The following NALCN variants were observed in gnomAD, a reference collection of about 807,000 sequenced individuals.
NALCN encodes the protein sodium leak channel, non-selective.
NALCN carries 111 observed loss-of-function variants against 225.3 expected under a neutral mutation model. The observed-to-expected ratio is 0.49, with a 90% CI of 0.42 to 0.58. NALCN has a LOEUF of 0.58. Among genes scored for constraint, NALCN ranks in the 20% least tolerant of loss-of-function variants. NALCN has a pLI of 0.00. For synonymous variants in NALCN, 764 were observed against 769.0 expected (o/e 0.99, Z 0.11); for missense variants, 1,378 against 2,202.4 (o/e 0.63, Z 7.49).
chr13:101,351,416 A>G (rs2045905052), intron 6 of NALCN, among the ~76,000 whole-genome samples: 1 of 152,162 alleles, frequency 6.6e-6, no homozygotes, highest in African/African-American at 2.4e-5. Flanking sequence ...CATTCTATTT[A>G]CAAATAACAT....
At chr13:101,351,608 A>G (rs1027969767) in intron 6 of NALCN, among the ~76,000 whole-genome samples, 1 of 152,208 alleles carries the variant, frequency 6.6e-6, no homozygotes. Flanking sequence ...CAGTTCGGTG[A>G]TTAACCAACT....
chr13:101,173,414 C>T (rs1372176442), intron 15 of NALCN, among the ~76,000 whole-genome samples: 1 of 152,150 alleles, frequency 6.6e-6, no homozygotes. Context: ...TGCCTAGGTT[C>T]AAATTCTAGC....
rs771413707 is a variant in NALCN, at chr13:101,176,282, C to T, written c.1839+18G>A. 1.7e-5 allele frequency: 25 copies of T among 1,494,376 alleles called. No individual in the cohort carries two copies. Among genetic ancestry groups the T allele is most frequent in the Non-Finnish European group, 2.0e-5 (22 of 1,127,400 alleles). 92.6% of individuals were successfully genotyped at this position (1,494,376 alleles called of 1,614,324 possible). On this transcript the variant is annotated intron_variant, in intron 15 of 43. Coordinates refer to ENST00000251127, the MANE Select transcript of NALCN (RefSeq NM_052867.4). ...GTTTTTTGTCCTTTTTAAAAAAAATCCCCCACACACTACTTACTTGTTTAA... is the reference window on the plus strand; with the variant it reads ...GTTTTTTGTCCTTTTTAAAAAAAATTCCCCACACACTACTTACTTGTTTAA...
chr13:101,289,774 G>C (rs1033489331), intron 9 of NALCN, among the ~76,000 whole-genome samples: 1 of 152,144 alleles, frequency 6.6e-6, no homozygotes, highest in Non-Finnish European at 1.5e-5. Context: ...TTAGTAACTT[G>C]TGATCTAGTG....
chr13:101,175,259 G>GC (rs1555305374), intron 15 of NALCN, among the ~76,000 whole-genome samples: 4 of 144,606 alleles, frequency 2.8e-5, no homozygotes. Flanking sequence ...TGTTTGTTCT[G>GC]TTTTTTTTTT....
chr13:101,397,772 G>A, intron 2 of NALCN, among the ~76,000 whole-genome samples: 1 of 152,036 alleles, frequency 6.6e-6, no homozygotes, highest in African/African-American at 2.4e-5. Flanking sequence ...TAAAAATACA[G>A]TTATTTATAG....
At position 101,107,623 on chromosome 13, in the gene NALCN, T is replaced by C. The variant is rs1262503936; in HGVS notation, c.2457-14A>G. The C allele has an allele frequency of 6.2e-7, 1 of 1,614,092 alleles. No individual in the cohort carries two copies. Among genetic ancestry groups the C allele is most frequent in the Non-Finnish European group, 8.5e-7 (1 of 1,179,960 alleles). ...TCTTGCACTTTCCTTGAAGGAGAAATTCATGGGAGAATGAGGCTAAGGGAA... is the reference window on the plus strand; with the variant it reads ...TCTTGCACTTTCCTTGAAGGAGAAACTCATGGGAGAATGAGGCTAAGGGAA... On this transcript the variant is annotated splice_polypyrimidine_tract_variant and intron_variant, in intron 21 of 43. Transcript: ENST00000251127.
intron 11 of NALCN, among the ~76,000 whole-genome samples, chr13:101,256,765 CTT>C (rs59036479): frequency 5.2e-5 from 7 of 133,502 alleles, no homozygotes; most frequent in Admixed American, 1.6e-4. Context: ...CTTCTTTCTG[CTT>C]TTTTTTTTTT....
chr13:101,117,814 G>T (rs1021946139), intron 18 of NALCN, among the ~76,000 whole-genome samples: 1 of 152,182 alleles, frequency 6.6e-6, no homozygotes, highest in African/African-American at 2.4e-5. Flanking sequence ...TAGGAATAAA[G>T]CTGCCATCAA....
At chr13:101,370,122 C>G (rs138615902) in intron 6 of NALCN, among the ~76,000 whole-genome samples, 1 of 152,180 alleles carries the variant, frequency 6.6e-6, no homozygotes, top group East Asian at 1.9e-4. Context: ...TGTTAGGATA[C>G]TAGGTAGTAA....
At chr13:101,268,124 C>T (rs1056948907) in intron 10 of NALCN, among the ~76,000 whole-genome samples, 2 of 152,188 alleles carry the variant, frequency 1.3e-5, no homozygotes, top group African/African-American at 4.8e-5. Flanking sequence ...AAAAATTCCA[C>T]TTTCTGCAAA....
intron 6 of NALCN, among the ~76,000 whole-genome samples, chr13:101,367,708 A>C (rs1204347368): frequency 6.6e-6 from 1 of 152,186 alleles, no homozygotes. Context: ...TGAAGGTTAC[A>C]TGTACATTTT....
chr13:101,334,363 TAG>T (rs2045291491), intron 7 of NALCN, among the ~76,000 whole-genome samples: 1 of 138,110 alleles, frequency 7.2e-6, no homozygotes, highest in African/African-American at 3.0e-5. Flanking sequence ...GAGATGGGGG[TAG>T]GGGGAGCGGT....
At chr13:101,233,063 G>T (rs2041414158) in intron 12 of NALCN, among the ~76,000 whole-genome samples, 1 of 152,102 alleles carries the variant, frequency 6.6e-6, no homozygotes, top group Non-Finnish European at 1.5e-5. Context: ...CCCTGTCAGT[G>T]AGTCTAATTG....
chr13:101,348,639 T>G (rs1459717138), intron 6 of NALCN, among the ~76,000 whole-genome samples: 3 of 152,152 alleles, frequency 2.0e-5, no homozygotes, highest in Non-Finnish European at 2.9e-5. Context: ...GAGTATTTTT[T>G]CCTTTTTTCT....
At chr13:101,315,015 G>A (rs529146832) in intron 7 of NALCN, among the ~76,000 whole-genome samples, 2 of 152,242 alleles carry the variant, frequency 1.3e-5, no homozygotes, top group African/African-American at 2.4e-5. Context: ...AAAGGAAAAG[G>A]GTTAACGATG....
At chr13:101,212,659 C>A (rs922288179) in intron 13 of NALCN, among the ~76,000 whole-genome samples, 3 of 152,054 alleles carry the variant, frequency 2.0e-5, no homozygotes, top group Non-Finnish European at 4.4e-5. Flanking sequence ...AGTGGTGTGG[C>A]AGACTGAGGG....
At chr13:101,188,692 A>AT (rs1036695956) in intron 14 of NALCN, among the ~76,000 whole-genome samples, 8 of 150,740 alleles carry the variant, frequency 5.3e-5, no homozygotes, top group Non-Finnish European at 1.2e-4. Context: ...ATATATATAT[A>AT]TATTTTTTTG....
chr13:101,077,203 C>A (rs566512310), intron 34 of NALCN, among the ~76,000 whole-genome samples: 85 of 152,312 alleles, frequency 5.6e-4, no homozygotes, highest in African/African-American at 2.0e-3. Context: ...AATTAAACCT[C>A]GTTCCTTTAT....
Sources: gnomAD v4.1 joint callset for allele counts (sites outside exome capture counted in the v4.1 genomes callset) on GRCh38, gnomAD v4.1.1 for gene constraint, MANE v1.5 for transcripts, NCBI Gene and HGNC (gene_info 2026-07-23, HGNC 2026-07-21) for gene names.